RAP1GAP2: variants seen among roughly 807,000 people sequenced by gnomAD.
RAP1GAP2 encodes RAP1 GTPase activating protein 2.
Under a neutral mutation model 95.0 loss-of-function variants are expected in RAP1GAP2, and 27 were observed. The ratio of observed to expected loss-of-function variants is 0.28; its 90% CI spans 0.21 to 0.39. RAP1GAP2 has a LOEUF of 0.39. RAP1GAP2 is among the 10% of genes least tolerant of loss of function. RAP1GAP2 has a pLI of 1.00. For synonymous variants in RAP1GAP2, 373 were observed against 380.9 expected (o/e 0.98, Z 0.24); for missense variants, 771 against 970.0 (o/e 0.79, Z 2.72).
At chr17:2,947,588 C>T (rs2043748566) in intron 3 of RAP1GAP2, among the ~76,000 whole-genome samples, 1 of 152,196 alleles carries the variant, frequency 6.6e-6, no homozygotes, top group Non-Finnish European at 1.5e-5. Flanking sequence ...ATTAATAGCA[C>T]AGGGATATGG....
rs900905482 is a variant in RAP1GAP2, at chr17:3,027,629, C to T, written c.2107+559C>T. Among the ~76,000 whole-genome samples, 1 of 152,032 alleles carries T rather than the reference C, an allele frequency of 6.6e-6. No homozygotes were observed. Among genetic ancestry groups the T allele is most frequent in the African/African-American group, 2.4e-5 (1 of 41,382 alleles). ...GACAGGCTGGGTCAGCCCCGGGCCC[C>T]GGGTGAGGATTTTGTTCTGCTAGCG... On this transcript the variant is annotated intron_variant, in intron 22 of 24. Transcript: ENST00000254695. The surrounding 1 kb of genome is among the most constrained non-coding windows in gnomAD (Gnocchi z 5.2).
At chr17:2,759,903 G>T (rs2071211987) in intron 1 of RAP1GAP2, among the ~76,000 whole-genome samples, 1 of 152,088 alleles carries the variant, frequency 6.6e-6, no homozygotes, top group Non-Finnish European at 1.5e-5. Flanking sequence ...ATTCTTCAAA[G>T]TGAAATTGCA....
At chr17:2,828,245 T>G (rs1221371068) in intron 2 of RAP1GAP2, among the ~76,000 whole-genome samples, 2 of 151,552 alleles carry the variant, frequency 1.3e-5, no homozygotes, top group Non-Finnish European at 2.9e-5. Flanking sequence ...GGAGGCTGAG[T>G]CAGGAGAATC....
At chr17:2,983,175 C>T (rs2045432544) in intron 10 of RAP1GAP2, among the ~76,000 whole-genome samples, 2 of 152,200 alleles carry the variant, frequency 1.3e-5, no homozygotes, top group Non-Finnish European at 2.9e-5. Context: ...ATAAGTCGTT[C>T]CTGGTTTGTT....
chr17:2,934,653 C>T (rs1439339938), intron 3 of RAP1GAP2, among the ~76,000 whole-genome samples: 1 of 152,192 alleles, frequency 6.6e-6, no homozygotes, highest in Admixed American at 6.5e-5. Flanking sequence ...GCTTCGAAGA[C>T]ACTTTCTTCC....
intron 2 of RAP1GAP2, among the ~76,000 whole-genome samples, chr17:2,894,843 G>A (rs1597540665): frequency 6.6e-6 from 1 of 152,094 alleles, no homozygotes; most frequent in Non-Finnish European, 1.5e-5. Context: ...GGAGGGCAGC[G>A]CCCCTCGGCC....
intron 1 of RAP1GAP2, among the ~76,000 whole-genome samples, chr17:2,780,865 C>T (rs2068629470): frequency 6.6e-6 from 1 of 152,276 alleles, no homozygotes; most frequent in South Asian, 2.1e-4. Flanking sequence ...CCACACCTCT[C>T]TCAGTGCTTT....
chr17:2,821,262 A>G (rs931307645), intron 2 of RAP1GAP2, among the ~76,000 whole-genome samples: 2 of 152,166 alleles, frequency 1.3e-5, no homozygotes, highest in Non-Finnish European at 2.9e-5. Flanking sequence ...GATTATAAAA[A>G]TAGTACATGC....
chr17:2,799,716 G>A (rs1463820638), intron 1 of RAP1GAP2, among the ~76,000 whole-genome samples: 7 of 152,274 alleles, frequency 4.6e-5, no homozygotes, highest in Non-Finnish European at 7.4e-5. Context: ...TGGTGGTCAC[G>A]ACCCTTCCAC....
At chr17:2,962,860 C>A in intron 5 of RAP1GAP2, 146 bp downstream of exon 5, 1 of 733,736 alleles carries the variant, frequency 1.4e-6, no homozygotes, top group Non-Finnish European at 2.1e-6. Flanking sequence ...TTCACGACTG[C>A]CTTGTTAGAC....
chr17:2,879,572 A>G (rs545726477), intron 2 of RAP1GAP2, among the ~76,000 whole-genome samples: 4 of 152,146 alleles, frequency 2.6e-5, no homozygotes, highest in Admixed American at 2.6e-4. Context: ...CTAAAAATAC[A>G]AAAAATAGCT....
intron 2 of RAP1GAP2, among the ~76,000 whole-genome samples, chr17:2,826,601 G>A (rs1404872587): frequency 6.6e-6 from 1 of 151,976 alleles, no homozygotes. Flanking sequence ...CTGTGCTCCT[G>A]AGGAGGGGTG....
chr17:2,861,282 A>T (rs1376322036), intron 2 of RAP1GAP2, among the ~76,000 whole-genome samples: 1 of 151,698 alleles, frequency 6.6e-6, no homozygotes, highest in Non-Finnish European at 1.5e-5. Flanking sequence ...TGTGTGCAAT[A>T]AATAGTTGAT....
intron 2 of RAP1GAP2, among the ~76,000 whole-genome samples, chr17:2,868,451 G>C (rs963404171): frequency 6.6e-6 from 1 of 151,954 alleles, no homozygotes; most frequent in Non-Finnish European, 1.5e-5. Flanking sequence ...ATGCGACTAA[G>C]ACTAATGAAA....
chr17:2,853,896 GGGGGCCGGGGCGCGGGCTCA>G lies in RAP1GAP2; in HGVS notation c.81-51378_81-51359del, dbSNP rs1056731292. 786 of 974,046 alleles carry G rather than the reference GGGGGCCGGGGCGCGGGCTCA, an allele frequency of 8.1e-4. 1 individual carries two copies. Among genetic ancestry groups the G allele is most frequent in the Non-Finnish European group, 8.9e-4 (736 of 822,584 alleles). 60.3% of individuals were successfully genotyped at this position (974,046 alleles called of 1,614,324 possible). ...GCGGGGCCCATGCGAGGCGGAGGCCGGGGGCCGGGGCGCGGGCTCAGGGGCCGGGTGCGGAGCGCGCGGAG... is the reference window on the plus strand; with the variant it reads ...GCGGGGCCCATGCGAGGCGGAGGCCGGGGGCCGGGTGCGGAGCGCGCGGAG... On this transcript the variant is annotated intron_variant, in intron 2 of 24. Transcript: ENST00000254695.
chr17:2,979,948 T>C (rs2045290540), intron 8 of RAP1GAP2, among the ~76,000 whole-genome samples: 1 of 151,750 alleles, frequency 6.6e-6, no homozygotes, highest in Admixed American at 6.6e-5. Context: ...TTCCTTTTCT[T>C]CTTTTTTTTG....
At chr17:2,792,266 AGCT>A (rs2068945443), upstream of RAP1GAP2, among the ~76,000 whole-genome samples, 1 of 152,212 alleles carries the variant, frequency 6.6e-6, no homozygotes, top group Non-Finnish European at 1.5e-5. Flanking sequence ...GGGGTCAAGA[AGCT>A]GCGCGGGACT....
chr17:2,899,356 G>A (rs1376045777), intron 2 of RAP1GAP2, among the ~76,000 whole-genome samples: 3 of 151,828 alleles, frequency 2.0e-5, no homozygotes, highest in Admixed American at 6.6e-5. Flanking sequence ...ACAGGTGCTC[G>A]CCACCACACC....
At position 2,873,589 on chromosome 17, in the gene RAP1GAP2, C is replaced by A. The variant is rs192567891; in HGVS notation, c.81-31695C>A. On this transcript the variant is annotated intron_variant, in intron 2 of 24. Transcript: ENST00000254695. ...TGGACAGATTGGGACAAGGATAAGA[C>A]AAAATAGGCCTTCTAATAATTTTGG... Among the ~76,000 whole-genome samples, 573 of 135,660 alleles carry A rather than the reference C, an allele frequency of 4.2e-3. 2 individuals carry two copies. Among genetic ancestry groups the A allele is most frequent in the African/African-American group, 0.015 (546 of 35,984 alleles). 89.0% of individuals were successfully genotyped at this position (135,660 alleles called of 152,430 possible).
Sources: allele counts gnomAD v4.1 joint callset (sites outside exome capture counted in the v4.1 genomes callset), GRCh38; gene constraint gnomAD v4.1.1; non-coding constraint Gnocchi (gnomAD v3.1); transcripts MANE v1.5; gene names NCBI Gene and HGNC (gene_info 2026-07-23, HGNC 2026-07-21).